The following ADAM23 variants were observed in gnomAD, a reference collection of about 807,000 sequenced individuals.
The protein encoded by ADAM23 is ADAM metallopeptidase domain 23.
Under a neutral mutation model 120.1 loss-of-function variants are expected in ADAM23, and 33 were observed. The observed-to-expected ratio is 0.27, with a 90% confidence interval of 0.21 to 0.37. ADAM23 has a LOEUF of 0.37. Ranked by LOEUF, ADAM23 falls within the 10% of genes least tolerant of loss-of-function variation. The pLI is 1.00. For missense variants in ADAM23, 862 were observed against 1,058.2 expected, an observed-to-expected ratio of 0.81 and a Z score of 2.57; for synonymous variants, 367 against 375.2, an observed-to-expected ratio of 0.98 and a Z score of 0.25.
At chr2:206,554,435 A>G (rs985642540) in intron 9 of ADAM23, among the ~76,000 whole-genome samples, 1 of 152,212 alleles carries the variant, frequency 6.6e-6, no homozygotes, top group Non-Finnish European at 1.5e-5. Context: ...ATGAAAAGCA[A>G]ATGTTTTGCG....
At chr2:206,559,023 C>G (rs1697705217) in intron 10 of ADAM23, among the ~76,000 whole-genome samples, 1 of 152,148 alleles carries the variant, frequency 6.6e-6, no homozygotes, top group African/African-American at 2.4e-5. Flanking sequence ...CAGCTCACTG[C>G]AAGCTCCGCC....
At chr2:206,590,279 G>C (rs1312043360) in intron 21 of ADAM23, among the ~76,000 whole-genome samples, 1 of 152,080 alleles carries the variant, frequency 6.6e-6, no homozygotes, top group Non-Finnish European at 1.5e-5. Flanking sequence ...TGTATTTTTA[G>C]TAGAGATAGG....
chr2:206,553,920 A>T (rs1306416059), intron 9 of ADAM23, among the ~76,000 whole-genome samples: 2 of 152,220 alleles, frequency 1.3e-5, no homozygotes, highest in African/African-American at 4.8e-5. Flanking sequence ...TGAAAAACCA[A>T]ATTCTAATCT....
intron 2 of ADAM23, among the ~76,000 whole-genome samples, chr2:206,453,325 C>A (rs191749213): frequency 1.2e-3 from 183 of 152,328 alleles, no homozygotes; most frequent in Non-Finnish European, 1.8e-3. Context: ...CTGTTAAATT[C>A]CTGCTTCAGA....
At chr2:206,584,086 G>T (rs1698273834) in intron 18 of ADAM23, among the ~76,000 whole-genome samples, 1 of 152,140 alleles carries the variant, frequency 6.6e-6, no homozygotes, top group Admixed American at 6.5e-5. Context: ...TTTCCTATGG[G>T]TATGGCTTCC....
chr2:206,576,559 A>G (rs1195244796), intron 18 of ADAM23, among the ~76,000 whole-genome samples: 1 of 152,058 alleles, frequency 6.6e-6, no homozygotes, highest in African/African-American at 2.4e-5. Context: ...AGAGGGAGTT[A>G]AAACCCCCCA....
intron 3 of ADAM23, among the ~76,000 whole-genome samples, chr2:206,517,696 C>G (rs779966892): frequency 2.0e-5 from 3 of 152,074 alleles, no homozygotes; most frequent in African/African-American, 4.8e-5. Context: ...TTTTCTACCC[C>G]TGTCATGAGT....
At chr2:206,463,814 G>A (rs974126529) in intron 2 of ADAM23, among the ~76,000 whole-genome samples, 2 of 152,256 alleles carry the variant, frequency 1.3e-5, no homozygotes, top group Non-Finnish European at 2.9e-5. Flanking sequence ...CACCCATGGA[G>A]AGACTGTATT....
At chr2:206,588,294 C>T in intron 20 of ADAM23, 140 bp downstream of exon 20, 1 of 915,134 alleles carries the variant, frequency 1.1e-6, no homozygotes, top group Non-Finnish European at 1.6e-6. Flanking sequence ...ATAAAGAGAA[C>T]TGTGAATCTT....
chr2:206,470,781 A>G (rs1021998136), intron 2 of ADAM23, among the ~76,000 whole-genome samples: 3 of 152,226 alleles, frequency 2.0e-5, no homozygotes, highest in African/African-American at 4.8e-5. Flanking sequence ...AATTCAGTGC[A>G]AAGGACAGAG....
At chr2:206,485,765 G>A (rs1695999355) in intron 3 of ADAM23, among the ~76,000 whole-genome samples, 1 of 152,186 alleles carries the variant, frequency 6.6e-6, no homozygotes, top group African/African-American at 2.4e-5. Flanking sequence ...AGAGGAGGAG[G>A]CAAACAGTGG....
chr2:206,557,705 C>T (rs895617898), intron 10 of ADAM23, among the ~76,000 whole-genome samples: 1 of 152,156 alleles, frequency 6.6e-6, no homozygotes, highest in African/African-American at 2.4e-5. Flanking sequence ...CCCAAAGATA[C>T]ATTAGTGTTG....
intron 4 of ADAM23, among the ~76,000 whole-genome samples, chr2:206,539,364 C>G (rs767476226): frequency 2.0e-5 from 3 of 152,106 alleles, no homozygotes; most frequent in Non-Finnish European, 4.4e-5. Context: ...TTTTGGTTGT[C>G]CCTGCTGCCA....
intron 22 of ADAM23, among the ~76,000 whole-genome samples, chr2:206,593,158 C>A (rs1335725445): frequency 6.6e-6 from 1 of 152,076 alleles, no homozygotes; most frequent in Non-Finnish European, 1.5e-5. Context: ...TTAACAAATA[C>A]CTAATCATAT....
In ADAM23 at chr2:206,570,731, T is replaced by C; in HGVS notation, c.1495-9T>C. On this transcript the variant is annotated splice_polypyrimidine_tract_variant and intron_variant, in intron 15 of 25. Coordinates refer to ENST00000264377, the MANE Select transcript of ADAM23 (RefSeq NM_003812.4). ...AAACATTTTTCCCTTCTGTCCCTAA[T>C]CTCTTTAGCTATTTGAGCCCACGGA... The C allele has an allele frequency of 6.2e-7, 1 of 1,612,734 alleles. No individual in the cohort carries two copies. Among genetic ancestry groups the C allele is most frequent in the Non-Finnish European group, 8.5e-7 (1 of 1,178,834 alleles).
chr2:206,548,461 C>T, intron 8 of ADAM23, 107 bp downstream of exon 8: 3 of 1,082,134 alleles, frequency 2.8e-6, no homozygotes, highest in Non-Finnish European at 1.3e-6. Context: ...ATTTTGGGGA[C>T]TGTTGTTTAA....
At chr2:206,543,403 T>C in intron 6 of ADAM23, 87 bp downstream of exon 6, 1 of 1,150,124 alleles carries the variant, frequency 8.7e-7, no homozygotes, top group Non-Finnish European at 1.3e-6. Flanking sequence ...AGTGTAGATT[T>C]CAAAGTGCCT....
rs182007256 is a variant in ADAM23 at position 206,580,239 on chromosome 2, A to G, written c.1737+7044A>G. The stretch of plus-strand genomic sequence containing the variant: ...CTCTTGTCTGATTGCTCTGGCTAGG[A>G]CTTTCAGTACTATGTTGAAGAAGAG... On this transcript the variant is annotated intron_variant, in intron 18 of 25. Coordinates refer to ENST00000264377, the MANE Select transcript of ADAM23 (RefSeq NM_003812.4). 2.7e-3 allele frequency among the ~76,000 whole-genome samples: 418 copies of G among 152,240 alleles called. 3 individuals carry two copies. Among genetic ancestry groups the G allele is most frequent in the South Asian group, 6.4e-3 (31 of 4,814 alleles).
chr2:206,564,567 A>G (rs1697840787), intron 13 of ADAM23, among the ~76,000 whole-genome samples: 2 of 152,140 alleles, frequency 1.3e-5, no homozygotes, highest in Admixed American at 1.3e-4. Flanking sequence ...GAACCCCACA[A>G]CCACTCTGGG....
Sources: allele counts gnomAD v4.1 joint callset (sites outside exome capture counted in the v4.1 genomes callset), GRCh38; gene constraint gnomAD v4.1.1; transcripts MANE v1.5; gene names NCBI Gene and HGNC (gene_info 2026-07-23, HGNC 2026-07-21).